CPAMD8: variants seen among roughly 807,000 people sequenced by gnomAD.
CPAMD8 encodes C3 and PZP-like alpha-2-macroglobulin domain-containing protein 8.
In CPAMD8, 146 loss-of-function variants were observed where a neutral mutation model predicts 224.7. The observed-to-expected ratio is 0.65, with a 90% confidence interval of 0.57 to 0.75. CPAMD8 has a LOEUF of 0.75. Among genes scored for constraint, CPAMD8 ranks in the 30% least tolerant of loss-of-function variants. The pLI is 0.00. For synonymous variants in CPAMD8, 966 were observed against 1,044.6 expected, an observed-to-expected ratio of 0.92 and a Z score of 1.45; for missense variants, 2,301 against 2,537.5, an observed-to-expected ratio of 0.91 and a Z score of 2.00.
At position 16,928,854 on chromosome 19, in the gene CPAMD8, G is replaced by A. The variant is rs76861413; in HGVS notation, c.3144+88C>T. On this transcript the variant is annotated intron_variant, in intron 24 of 41. Transcript: ENST00000443236. ...TGTTTCCCTTGCTCCTCCTGACCCT[G>A]GATCAAAGCCTGGCACCAAACAGGA... 634 of 1,115,724 alleles carry A rather than the reference G, an allele frequency of 5.7e-4. 2 individuals are homozygous for A. In the African/African-American group the frequency reaches 8.5e-3, roughly 15 times the overall value. 69.1% of individuals were successfully genotyped at this position (1,115,724 alleles called of 1,614,324 possible).
rs184781786 is a variant in CPAMD8 at position 16,906,954 on chromosome 19, C to T, written c.4025G>A (p.Arg1342Gln). 11 of 1,582,832 alleles carry T rather than the reference C, an allele frequency of 6.9e-6. No individual in the cohort carries two copies. The highest frequency in any genetic ancestry group is 6.8e-5 in the East Asian group (3 of 43,874). The change falls in exon 30 of 42, where the codon CGA (arginine) becomes CAA (glutamine). Residue 1342 changes from arginine (R) to glutamine (Q), a missense_variant and splice_region_variant. Around this residue, in one of 4 missense-constraint regions of CPAMD8, gnomAD observed 1,709 missense variants for 1,753.2 expected, o/e 0.97. Transcript: ENST00000443236. ...TGGGGAGGGCCAGGGACACCTACCT[C>T]GCATGATGGCCAGGCTACGGAGCTT... ...LRKLRSLAIM[R>Q]DGVTHWSLSN...
At position 17,014,598 on chromosome 19, in the gene CPAMD8, C is replaced by T. The variant is rs753516178; in HGVS notation, c.268-2841G>A. On this transcript the variant is annotated intron_variant, in intron 3 of 41. Coordinates refer to ENST00000443236, the MANE Select transcript of CPAMD8 (RefSeq NM_015692.5). ...CAATCATGGCGAAAGGTGAAAGGCA[C>T]GTCTTACATGGTGGCAGGCAAGAGA... Among the ~76,000 whole-genome samples the T allele has an allele frequency of 5.3e-5, 8 of 152,110 alleles. No individual in the cohort carries two copies. The East Asian group carries it at 1.2e-3, about 22-fold the overall frequency.
At chr19:16,979,667 C>A (rs1036488320) in intron 14 of CPAMD8, among the ~76,000 whole-genome samples, 3 of 152,214 alleles carry the variant, frequency 2.0e-5, no homozygotes, top group African/African-American at 7.2e-5. Context: ...TTGATCCATC[C>A]CTCTATCATC....
At chr19:16,922,038 C>CA in intron 26 of CPAMD8, 52 bp from the exon 27 acceptor site, 1 of 1,321,552 alleles carries the variant, frequency 7.6e-7, no homozygotes, top group Non-Finnish European at 1.1e-6. Context: ...TGGCCCAGGC[C>CA]CGCCCCCAGG....
chr19:16,945,828 CAAGT>C (rs2054056379), intron 21 of CPAMD8, 149 bp from the exon 22 acceptor site: 1 of 751,818 alleles, frequency 1.3e-6, no homozygotes, highest in Non-Finnish European at 2.3e-6. Flanking sequence ...TGCATGCATG[CAAGT>C]GTGTATGTCT....
chr19:17,016,591 C>T (rs7248882), intron 3 of CPAMD8, among the ~76,000 whole-genome samples: 80,088 of 151,852 alleles, frequency 0.53, 22,830 homozygotes, highest in African/African-American at 0.75. Flanking sequence ...TGAAACCCCA[C>T]CTCTATTGAA....
At chr19:16,919,591 G>A (rs575759840) in intron 27 of CPAMD8, among the ~76,000 whole-genome samples, 1 of 152,328 alleles carries the variant, frequency 6.6e-6, no homozygotes, top group East Asian at 1.9e-4. Flanking sequence ...AATAAATAGA[G>A]ATAATACGTT....
intron 18 of CPAMD8, among the ~76,000 whole-genome samples, chr19:16,969,919 G>A (rs1239277665): frequency 4.7e-5 from 7 of 149,052 alleles, no homozygotes; most frequent in Admixed American, 2.7e-4. Context: ...ACTAATAGCA[G>A]TTGTTAATAT....
At chr19:17,014,385 G>A (rs2056756239) in intron 3 of CPAMD8, among the ~76,000 whole-genome samples, 1 of 151,902 alleles carries the variant, frequency 6.6e-6, no homozygotes, top group Non-Finnish European at 1.5e-5. Context: ...TTAAGCAGAT[G>A]GGCAGAACGC....
At chr19:16,989,621 G>A (rs1215861971) in intron 13 of CPAMD8, 22 bp downstream of exon 13, 1 of 1,611,520 alleles carries the variant, frequency 6.2e-7, no homozygotes, top group Admixed American at 1.7e-5. Context: ...GGCCCAGGAA[G>A]GGTAGCTCCT....
At chr19:16,956,672 A>AT (rs371939756) in intron 19 of CPAMD8, among the ~76,000 whole-genome samples, 2,108 of 146,340 alleles carry the variant, frequency 0.014, 17 homozygotes, top group Admixed American at 0.017. Context: ...TCTATGAAAT[A>AT]TTTTTTTTTT....
Position 16,938,404 on chromosome 19 carries a change from A to G in CPAMD8, c.2836T>C (p.Cys946Arg). ...GGCACGGGGGACTCACCACTGGGAC[A>G]GAAGAATGCGCTGTAGGTGTACGCC... ...PRAYTYSAFF[C>R]PSERVHISTP... Residue 946 changes from cysteine to arginine, a missense_variant, in exon 23 of 42, where the codon TGT (cysteine) becomes CGT (arginine). Cys to Arg is a radical substitution (Grantham distance 180). Transcript: ENST00000443236. 1 of 1,564,102 alleles carries G rather than the reference A, an allele frequency of 6.4e-7. No homozygotes were observed. Among genetic ancestry groups the G allele is most frequent in the Non-Finnish European group, 8.6e-7 (1 of 1,158,800 alleles).
intron 13 of CPAMD8, among the ~76,000 whole-genome samples, chr19:16,984,040 T>C (rs1001821272): frequency 6.6e-6 from 1 of 152,062 alleles, no homozygotes; most frequent in Non-Finnish European, 1.5e-5. Flanking sequence ...AGCCCTGAAA[T>C]GAATCCAGAC....
intron 18 of CPAMD8, among the ~76,000 whole-genome samples, chr19:16,964,762 TTGA>T (rs1280531517): frequency 6.6e-6 from 1 of 152,156 alleles, no homozygotes; most frequent in Non-Finnish European, 1.5e-5. Context: ...ACCAATATCC[TTGA>T]TGAACATCGA....
At chr19:16,989,207 GC>G (rs1298194384) in intron 13 of CPAMD8, among the ~76,000 whole-genome samples, 1 of 152,062 alleles carries the variant, frequency 6.6e-6, no homozygotes, top group Non-Finnish European at 1.5e-5. Flanking sequence ...CCGTGCCCGT[GC>G]CCCCGTCTGT....
At position 16,903,719 on chromosome 19, in the gene CPAMD8, C is replaced by A. The variant is rs2052354485; in HGVS notation, c.4390G>T (p.Val1464Phe). ...ACACGCACCGCTGCTGTCTGCAGAA[C>A]CTTCTGGTTGGTCCTGTGCAGCTCG... ...TFELHRTNQK[V>F]LQTAAIPSLP... Residue 1464 changes from valine (V) to phenylalanine (F), a missense_variant, in exon 33 of 42, where the codon GTT becomes TTT. Val to Phe is a conservative substitution (Grantham distance 50). Around this residue, in one of 4 missense-constraint regions of CPAMD8, gnomAD observed 1,709 missense variants for 1,753.2 expected, o/e 0.97. Transcript: ENST00000443236. 2 of 1,614,102 alleles carry A rather than the reference C, an allele frequency of 1.2e-6. No individual in the cohort carries two copies. The highest frequency in any genetic ancestry group is 2.2e-5 in the South Asian group (2 of 91,090).
intron 18 of CPAMD8, among the ~76,000 whole-genome samples, chr19:16,966,722 T>A (rs1324344576): frequency 6.6e-6 from 1 of 151,560 alleles, no homozygotes; most frequent in African/African-American, 2.4e-5. Flanking sequence ...CATTTATGCA[T>A]CCAACACATG....
intron 13 of CPAMD8, among the ~76,000 whole-genome samples, chr19:16,987,617 TTGACTC>T (rs1426613361): frequency 1.3e-5 from 2 of 152,148 alleles, no homozygotes. Flanking sequence ...TCTGTGTTGA[TTGACTC>T]TGGCCAATAG....
At chr19:16,901,649 G>T (rs2052262878) in intron 35 of CPAMD8, among the ~76,000 whole-genome samples, 1 of 152,182 alleles carries the variant, frequency 6.6e-6, no homozygotes, top group African/African-American at 2.4e-5. Context: ...CAGCTCAGGT[G>T]CTTCAACACT....
Sources: gnomAD v4.1 joint callset for allele counts (sites outside exome capture counted in the v4.1 genomes callset) on GRCh38, gnomAD v4.1.1 for gene constraint, gnomAD v4.1.1 regional missense constraint, MANE v1.5 for transcripts, NCBI Gene and HGNC (gene_info 2026-07-23, HGNC 2026-07-21) for gene names.